The following LMAN1 variants were observed in gnomAD, a reference collection of about 807,000 sequenced individuals.
The protein encoded by LMAN1 is protein ERGIC-53.
LMAN1 carries 32 observed loss-of-function variants against 67.8 expected under a neutral mutation model. That is an observed-to-expected ratio of 0.47 (90% CI 0.36 to 0.63). LMAN1 has a LOEUF of 0.63. LMAN1 is among the 30% of genes least tolerant of loss of function. The pLI is 0.00. For synonymous variants in LMAN1, 235 were observed against 219.3 expected (o/e 1.07, Z -0.63); for missense variants, 632 against 628.2 (o/e 1.01, Z -0.06).
In LMAN1 at chr18:59,333,018, A is replaced by G. The variant is rs1027614833; in HGVS notation, c.1374+73T>C. 2.4e-6 allele frequency: 3 copies of G among 1,260,362 alleles called. No individual in the cohort carries two copies. The African/African-American group carries it at 4.5e-5, about 19-fold the overall frequency. 78.1% of individuals were successfully genotyped at this position (1,260,362 alleles called of 1,614,324 possible). ...CATTAGCATTAACTAAAGGGTTAAA[A>G]TACTTGCAGTAGAGTATGAGTTCTT... is the stretch of plus-strand genomic sequence containing the variant. On this transcript the variant is annotated intron_variant, in intron 11 of 12. Transcript: ENST00000251047.
At chr18:59,357,402 C>A (rs1272064866) in intron 1 of LMAN1, among the ~76,000 whole-genome samples, 1 of 152,134 alleles carries the variant, frequency 6.6e-6, no homozygotes, top group Non-Finnish European at 1.5e-5. Context: ...AACAGGCAGG[C>A]AGTGGAGAGG....
At chr18:59,352,442 T>C (rs17696683) in intron 5 of LMAN1, among the ~76,000 whole-genome samples, 20,787 of 152,242 alleles carry the variant, frequency 0.14, 1,595 homozygotes, top group Non-Finnish European at 0.18. Flanking sequence ...TTAAACATTT[T>C]TAAAAGCTTC....
At chr18:59,347,459 C>G in intron 7 of LMAN1, 54 bp downstream of exon 7, 2 of 1,280,748 alleles carry the variant, frequency 1.6e-6, no homozygotes. Flanking sequence ...CCAAAACGTT[C>G]AGCTAAAAGG....
intron 8 of LMAN1, among the ~76,000 whole-genome samples, chr18:59,340,813 G>C (rs762502866): frequency 6.6e-6 from 1 of 152,070 alleles, no homozygotes; most frequent in African/African-American, 2.4e-5. Flanking sequence ...AAGGAACAAA[G>C]AATTTATAAG....
rs118118376 is a variant in LMAN1, at chr18:59,353,545, A to C, written c.540-244T>G. Among the ~76,000 whole-genome samples the C allele has an allele frequency of 2.4e-4, 37 of 152,052 alleles. No individual in the cohort carries two copies. The East Asian group carries it at 6.9e-3, about 29-fold the overall frequency. On this transcript the variant is annotated intron_variant, in intron 4 of 12. Transcript: ENST00000251047. ...TCCAAATCAACTGAAGCAGAATCAAAAGGAGGTGGCCTAGGCACCTCCATT... is the reference window on the plus strand; with the variant it reads ...TCCAAATCAACTGAAGCAGAATCAACAGGAGGTGGCCTAGGCACCTCCATT...
intron 7 of LMAN1, 40 bp from the exon 8 acceptor site, chr18:59,346,091 A>C: frequency 6.6e-7 from 1 of 1,519,342 alleles, no homozygotes; most frequent in Non-Finnish European, 9.0e-7. Context: ...TAAAAAGATA[A>C]GAAAATCATT....
intron 5 of LMAN1, chr18:59,352,809 A>G (rs1268139444): frequency 3.3e-6 from 1 of 304,994 alleles, no homozygotes; most frequent in Non-Finnish European, 6.4e-6. Flanking sequence ...CATAGGAATG[A>G]TACATTTGTG....
At chr18:59,355,930 G>A (rs1414013802) in intron 1 of LMAN1, among the ~76,000 whole-genome samples, 1 of 152,138 alleles carries the variant, frequency 6.6e-6, no homozygotes, top group African/African-American at 2.4e-5. Flanking sequence ...AACTATCTGA[G>A]TCTCATAACA....
chr18:59,336,431 A>G (rs989145659), intron 10 of LMAN1, among the ~76,000 whole-genome samples: 1 of 152,206 alleles, frequency 6.6e-6, no homozygotes, highest in African/African-American at 2.4e-5. Flanking sequence ...TTGAGCAGCA[A>G]AATAAATAAG....
intron 8 of LMAN1, among the ~76,000 whole-genome samples, chr18:59,341,236 A>T (rs1168828885): frequency 6.6e-6 from 1 of 152,192 alleles, no homozygotes; most frequent in African/African-American, 2.4e-5. Context: ...CTAAAGAAAG[A>T]GAAAAACAGT....
Position 59,333,193 on chromosome 18 carries a change from G to T in LMAN1, c.1272C>A (p.Gly424=). The T allele has an allele frequency of 1.2e-6, 2 of 1,613,586 alleles. No homozygotes were observed. The highest frequency in any genetic ancestry group is 1.7e-6 in the Non-Finnish European group (2 of 1,179,664). The part of the protein sequence containing the change: ...VRLVSGMQHP[G]SAGGVYETTQ... Reference sequence around the variant, plus strand: ...TTGTCTCATAGACGCCTCCAGCAGAGCCAGGGTGCTGCATTCCACTGACCA... The same window carrying T: ...TTGTCTCATAGACGCCTCCAGCAGATCCAGGGTGCTGCATTCCACTGACCA... The change falls in exon 11 of 13, where the codon GGC becomes GGA. Residue 424 remains glycine, a synonymous_variant. Coordinates refer to ENST00000251047, the MANE Select transcript of LMAN1 (RefSeq NM_005570.4).
Position 59,328,925 on chromosome 18 carries a change from C to A in LMAN1, c.*2168G>T, listed in dbSNP as rs966596288. 6.6e-6 allele frequency: 1 copy of A among 152,176 alleles called. No individual in the cohort carries two copies. Among genetic ancestry groups the A allele is most frequent in the African/African-American group, 2.4e-5 (1 of 41,448 alleles). The allele number at this position is 152,176 out of a possible 1,614,324, so 9.4% of individuals were successfully genotyped here. A position where few individuals can be genotyped will look rare whatever the true frequency, so the allele number is the denominator to read the frequency against. ...GTGGCATCATAGACACAATGACTTA[C>A]ATAAAAATTTTAAAATCAATTTTGT... On this transcript the variant is annotated 3_prime_UTR_variant, in exon 13 of 13. Transcript: ENST00000251047.
chr18:59,329,123 A>C lies in LMAN1; in HGVS notation c.*1970T>G, dbSNP rs886054034. The C allele has an allele frequency of 2.0e-5, 3 of 152,204 alleles. No individual in the cohort carries two copies. Among genetic ancestry groups the C allele is most frequent in the Non-Finnish European group, 4.4e-5 (3 of 68,022 alleles). The allele number at this position is 152,204 out of a possible 1,614,324, so 9.4% of individuals were successfully genotyped here. A position where few individuals can be genotyped will look rare whatever the true frequency, so the allele number is the denominator to read the frequency against. On this transcript the variant is annotated 3_prime_UTR_variant, in exon 13 of 13. Coordinates refer to ENST00000251047, the MANE Select transcript of LMAN1 (RefSeq NM_005570.4). ...AGTCAATGATTTTGAGAAAAACCAC[A>C]CTTCAAATATGATACACATCATGTG...
rs923455257 is a variant in LMAN1 at position 59,345,856 on chromosome 18, G to A, written c.955+63C>T. 3 of 1,593,478 alleles carry A rather than the reference G, an allele frequency of 1.9e-6. No homozygotes were observed. In the African/African-American group the frequency reaches 4.0e-5, roughly 21 times the overall value. ...TGAGCTAGGCAACACAGAGACTCAA[G>A]CGTCCATGATCAACAGCCTCAAGCC... is the stretch of plus-strand genomic sequence containing the variant. On this transcript the variant is annotated intron_variant, in intron 8 of 12. Coordinates refer to ENST00000251047, the MANE Select transcript of LMAN1 (RefSeq NM_005570.4).
chr18:59,355,248 T>A (rs1174771806), intron 3 of LMAN1, 65 bp downstream of exon 3: 2 of 1,218,082 alleles, frequency 1.6e-6, no homozygotes, highest in Non-Finnish European at 2.4e-6. Flanking sequence ...AAGCTATTAT[T>A]TCTCACAGCC....
rs1046978973 is a variant in LMAN1, at chr18:59,330,766, C to G, written c.*327G>C. On this transcript the variant is annotated 3_prime_UTR_variant, in exon 13 of 13. Coordinates refer to ENST00000251047, the MANE Select transcript of LMAN1 (RefSeq NM_005570.4). ...GTGTGTTTACGTTATACAGGGAAAC[C>G]TGCAATATTGGAGACTTAGGGGGTA... 3 of 280,594 alleles carry G rather than the reference C, an allele frequency of 1.1e-5. No individual in the cohort carries two copies. The highest frequency in any genetic ancestry group is 2.0e-5 in the Non-Finnish European group (3 of 149,298). The allele number at this position is 280,594 out of a possible 1,614,324, so 17.4% of individuals were successfully genotyped here. A position where few individuals can be genotyped will look rare whatever the true frequency, so the allele number is the denominator to read the frequency against.
In LMAN1 at chr18:59,347,546, CAGAAAAGAAAGG is replaced by C; in HGVS notation, c.777_788del (p.Leu260_Leu263del). ...TTCCAGGTTCAGTCAACTGGAAAGT[CAGAAAAGAAAGG>C]ACATCATGGTCATCTACAAATTAAA... On this transcript the variant is annotated inframe_deletion, in exon 7 of 13. Coordinates refer to ENST00000251047, the MANE Select transcript of LMAN1 (RefSeq NM_005570.4). 6.2e-7 allele frequency: 1 copy of C among 1,603,172 alleles called. No homozygotes were observed. Among genetic ancestry groups the C allele is most frequent in the Non-Finnish European group, 8.5e-7 (1 of 1,174,612 alleles).
chr18:59,351,601 A>G lies in LMAN1; in HGVS notation c.639+1601T>C, dbSNP rs532815487. The G allele has an allele frequency of 3.9e-5, 6 of 152,350 alleles. No individual in the cohort carries two copies. In the South Asian group the frequency reaches 1.2e-3, roughly 32 times the overall value. 9.4% of individuals were successfully genotyped at this position (152,350 alleles called of 1,614,324 possible). On this transcript the variant is annotated intron_variant, in intron 5 of 12. Transcript: ENST00000251047. ...AAAGGTTTATTTATCCTTTCTTTAT[A>G]AAGGATCCTTCATAAAGAAATCTTT... is the stretch of plus-strand genomic sequence containing the variant.
chr18:59,354,414 C>G, intron 4 of LMAN1, 105 bp downstream of exon 4: 1 of 716,028 alleles, frequency 1.4e-6, no homozygotes, highest in South Asian at 1.6e-5. Flanking sequence ...AGAAAAAGAA[C>G]AGTATTTTTT....
Sources: gnomAD v4.1 joint callset for allele counts (sites outside exome capture counted in the v4.1 genomes callset) on GRCh38, gnomAD v4.1.1 for gene constraint, MANE v1.5 for transcripts, NCBI Gene and HGNC (gene_info 2026-07-23, HGNC 2026-07-21) for gene names.